Variants in AP3B1 observed in about 807,000 individuals in gnomAD.
AP3B1 encodes adaptor related protein complex 3 subunit beta 1.
A neutral mutation model predicts 132.5 loss-of-function variants in AP3B1; 61 were observed. That is an observed-to-expected ratio of 0.46 (90% CI 0.37 to 0.57). AP3B1 has a LOEUF of 0.57. Ranked by LOEUF, AP3B1 falls within the 20% of genes least tolerant of loss-of-function variation. AP3B1 has a pLI of 0.00. For missense variants in AP3B1, 1,120 were observed against 1,289.4 expected (o/e 0.87, Z 2.01); for synonymous variants, 388 against 438.3 (o/e 0.89, Z 1.43).
At chr5:78,205,998 A>C (rs1185916142) in intron 7 of AP3B1, among the ~76,000 whole-genome samples, 1 of 152,206 alleles carries the variant, frequency 6.6e-6, no homozygotes, top group South Asian at 2.1e-4. Flanking sequence ...CTTATTTTTA[A>C]CTAACATTTT....
At chr5:78,140,349 T>C (rs1203126891) in intron 15 of AP3B1, among the ~76,000 whole-genome samples, 1 of 152,192 alleles carries the variant, frequency 6.6e-6, no homozygotes, top group Non-Finnish European at 1.5e-5. Flanking sequence ...TTAGTCCATT[T>C]GGGCTACTGT....
rs565242094 is a variant in AP3B1 at position 78,099,490 on chromosome 5, T to C, written c.2470+1463A>G. On this transcript the variant is annotated intron_variant, in intron 21 of 26. Coordinates refer to ENST00000255194, the MANE Select transcript of AP3B1 (RefSeq NM_003664.5). Reference sequence around the variant, plus strand: ...GTCTGAGAAACCTGGGAAAGGAGTATGGGCTTTCATCTAAATGCAAAATTA... The same window carrying C: ...GTCTGAGAAACCTGGGAAAGGAGTACGGGCTTTCATCTAAATGCAAAATTA... Among the ~76,000 whole-genome samples, 31 of 152,286 alleles carry C rather than the reference T, an allele frequency of 2.0e-4. No individual in the cohort carries two copies. The South Asian group carries it at 6.0e-3, about 30-fold the overall frequency.
chr5:78,024,599 C>G (rs1259163423), intron 24 of AP3B1, among the ~76,000 whole-genome samples: 1 of 142,552 alleles, frequency 7.0e-6, no homozygotes, highest in African/African-American at 2.6e-5. Flanking sequence ...GAGTCTCACT[C>G]TGTCGCCCAG....
intron 2 of AP3B1, among the ~76,000 whole-genome samples, chr5:78,258,550 TG>T (rs1469080000): frequency 6.6e-6 from 1 of 152,114 alleles, no homozygotes; most frequent in African/African-American, 2.4e-5. Context: ...CAAATGCTGG[TG>T]AGGATGTGGA....
intron 7 of AP3B1, among the ~76,000 whole-genome samples, chr5:78,194,148 C>G (rs960093524): frequency 9.2e-5 from 14 of 151,898 alleles, no homozygotes; most frequent in Non-Finnish European, 1.5e-4. Flanking sequence ...TAGAAAAACC[C>G]CTTATGTAGC....
chr5:78,025,920 T>C (rs1292480109), intron 24 of AP3B1, among the ~76,000 whole-genome samples: 1 of 152,238 alleles, frequency 6.6e-6, no homozygotes, highest in Non-Finnish European at 1.5e-5. Flanking sequence ...GCGTGGCTTA[T>C]AATAGAACTA....
chr5:78,100,985 G>T lies in AP3B1; in HGVS notation c.2438C>A (p.Thr813Asn). 6.4e-7 allele frequency: 1 copy of T among 1,553,806 alleles called. No homozygotes were observed. Among genetic ancestry groups the T allele is most frequent in the Non-Finnish European group, 8.9e-7 (1 of 1,128,858 alleles). The change falls in exon 21 of 27, where the codon ACC becomes AAC. Residue 813 changes from threonine to asparagine, a missense_variant. Thr to Asn is a moderately conservative substitution (Grantham distance 65). Transcript: ENST00000255194. Reference sequence around the variant, plus strand: ...CAGATCTAGAAGTGAAACATCTTTGGTAAGAGGAGTTCTATCTTGCTTTGT... The same window carrying T: ...CAGATCTAGAAGTGAAACATCTTTGTTAAGAGGAGTTCTATCTTGCTTTGT... Reference protein sequence around the residue: ...KKTKQDRTPLTKDVSLLDLDD... With the variant: ...KKTKQDRTPLNKDVSLLDLDD...
intron 26 of AP3B1, among the ~76,000 whole-genome samples, chr5:78,012,701 G>T (rs1401250065): frequency 6.6e-6 from 1 of 152,206 alleles, no homozygotes; most frequent in Admixed American, 6.5e-5. Context: ...CCAGGCCACT[G>T]ATGATACGGC....
chr5:78,073,521 A>G (rs1344793418), intron 22 of AP3B1, among the ~76,000 whole-genome samples: 2 of 152,146 alleles, frequency 1.3e-5, no homozygotes, highest in Non-Finnish European at 2.9e-5. Context: ...ATTCCATCAA[A>G]TTTGTGTGAC....
Position 78,072,894 on chromosome 5 carries a change from G to C in AP3B1, c.2577+16499C>G, listed in dbSNP as rs1403018999. ...AAGCCACCATGCCCGGCAAATTTTT[G>C]TATTTTTAGTAGAGACAGGGTTTCA... On this transcript the variant is annotated intron_variant, in intron 22 of 26. Coordinates refer to ENST00000255194, the MANE Select transcript of AP3B1 (RefSeq NM_003664.5). 2.6e-5 allele frequency among the ~76,000 whole-genome samples: 4 copies of C among 151,656 alleles called. No homozygotes were observed. In the East Asian group the frequency reaches 7.8e-4, roughly 29 times the overall value.
intron 24 of AP3B1, among the ~76,000 whole-genome samples, chr5:78,026,994 C>T (rs535403300): frequency 8.9e-4 from 135 of 152,234 alleles, no homozygotes; most frequent in Non-Finnish European, 1.8e-3. Flanking sequence ...GAGAGCTACA[C>T]GTTCTGGTTT....
intron 1 of AP3B1, among the ~76,000 whole-genome samples, chr5:78,282,791 G>A (rs565018250): frequency 1.7e-4 from 26 of 151,656 alleles, no homozygotes; most frequent in Non-Finnish European, 3.2e-4. Flanking sequence ...GCAGGAGGAC[G>A]GCTTGAGCCC....
intron 14 of AP3B1, among the ~76,000 whole-genome samples, chr5:78,152,639 T>C (rs1348529268): frequency 6.6e-6 from 1 of 152,156 alleles, no homozygotes; most frequent in Non-Finnish European, 1.5e-5. Context: ...TTATTTATTA[T>C]TTATTTGAAG....
chr5:78,211,018 T>C (rs1361461640), intron 7 of AP3B1, among the ~76,000 whole-genome samples: 1 of 151,894 alleles, frequency 6.6e-6, no homozygotes, highest in African/African-American at 2.4e-5. Flanking sequence ...CTGCAAAGAG[T>C]AAGGTAAATT....
At chr5:78,095,585 G>T (rs1455747890) in intron 21 of AP3B1, among the ~76,000 whole-genome samples, 1 of 152,128 alleles carries the variant, frequency 6.6e-6, no homozygotes, top group Non-Finnish European at 1.5e-5. Context: ...TGAAAACCCT[G>T]AAGAGGGGTT....
chr5:78,267,222 T>C (rs960306814), intron 2 of AP3B1, among the ~76,000 whole-genome samples: 11 of 152,080 alleles, frequency 7.2e-5, no homozygotes, highest in African/African-American at 1.7e-4. Context: ...TTGTATATCA[T>C]CTTATTTTGT....
chr5:78,169,675 AC>A (rs1467430640), intron 11 of AP3B1, among the ~76,000 whole-genome samples: 2 of 151,712 alleles, frequency 1.3e-5, no homozygotes, highest in African/African-American at 4.8e-5. Context: ...CAATCCTCCC[AC>A]CTTAGCCTCC....
intron 14 of AP3B1, among the ~76,000 whole-genome samples, chr5:78,143,883 T>C (rs55769512): frequency 0.18 from 27,291 of 151,968 alleles, 2,767 homozygotes; most frequent in Admixed American, 0.27. Flanking sequence ...CACACTCCTG[T>C]AATTCCAGCT....
chr5:78,292,386 T>C (rs1433153258), intron 1 of AP3B1, among the ~76,000 whole-genome samples: 1 of 152,214 alleles, frequency 6.6e-6, no homozygotes, highest in Non-Finnish European at 1.5e-5. Context: ...GGAGCTACTA[T>C]TTAAAGTTTT....
Sources: allele counts gnomAD v4.1 joint callset (sites outside exome capture counted in the v4.1 genomes callset), GRCh38; gene constraint gnomAD v4.1.1; transcripts MANE v1.5; gene names NCBI Gene and HGNC (gene_info 2026-07-23, HGNC 2026-07-21).